Variants in FNBP1 observed in about 807,000 individuals in gnomAD.
The protein encoded by FNBP1 is formin binding protein 1, also known as formin-binding protein 1.
In FNBP1, 26 loss-of-function variants were observed where a neutral mutation model predicts 90.6. The observed-to-expected ratio is 0.29, with a 90% confidence interval of 0.21 to 0.40. The LOEUF (loss-of-function observed/expected upper bound fraction) is 0.40, where lower values mean the gene tolerates loss of function less well. Among genes scored for constraint, FNBP1 ranks in the 10% least tolerant of loss-of-function variants. The pLI is 1.00. For missense variants in FNBP1, 635 were observed against 768.0 expected, an observed-to-expected ratio of 0.83 and a Z score of 2.05; for synonymous variants, 260 against 265.2, an observed-to-expected ratio of 0.98 and a Z score of 0.19.
chr9:130,012,931 G>A (rs149996751), intron 1 of FNBP1, among the ~76,000 whole-genome samples: 32 of 152,100 alleles, frequency 2.1e-4, no homozygotes, highest in African/African-American at 6.8e-4. Context: ...GAGCCACCAC[G>A]CCCAGCCAGA....
At position 129,927,484 on chromosome 9, in the gene FNBP1, TCCATATTAC is replaced by T. The variant is rs2042088581; in HGVS notation, c.643-152_643-144del. 5.8e-6 allele frequency: 4 copies of T among 684,194 alleles called. No individual in the cohort carries two copies. In the East Asian group the frequency reaches 1.0e-4, roughly 17 times the overall value. The allele number at this position is 684,194 out of a possible 1,614,324, so 42.4% of individuals were successfully genotyped here. ...AGAGCGGCTCTAAGTACACGGAGCC[TCCATATTAC>T]CCAGCTGTACATTTATTTTATAAAT... is the stretch of plus-strand genomic sequence containing the variant. On this transcript the variant is annotated intron_variant, in intron 7 of 16. Coordinates refer to ENST00000446176, the MANE Select transcript of FNBP1 (RefSeq NM_015033.3).
the FNBP1 span, among the ~76,000 whole-genome samples, chr9:130,049,282 G>A: frequency 9.2e-5 from 14 of 152,260 alleles, no homozygotes; most frequent in East Asian, 1.9e-4. Context: ...CCAGCTACCC[G>A]GGAGGCTGAG....
chr9:130,001,147 G>A (rs757272704), intron 1 of FNBP1, among the ~76,000 whole-genome samples: 26 of 151,068 alleles, frequency 1.7e-4, no homozygotes, highest in Non-Finnish European at 3.3e-4. Context: ...CCTGGCCAAC[G>A]TGGTGAAACC....
At chr9:129,903,109 T>G (rs2037277431) in intron 12 of FNBP1, 108 bp from the exon 13 acceptor site, 2 of 1,078,918 alleles carry the variant, frequency 1.9e-6, no homozygotes, top group Non-Finnish European at 2.6e-6. Context: ...CTCGGCTCAC[T>G]GCAACGATCT....
At chr9:130,011,215 CAAAAAAAAAAA>C (rs1192541205) in intron 1 of FNBP1, among the ~76,000 whole-genome samples, 142 of 13,398 alleles carry the variant, frequency 0.011, no homozygotes, top group South Asian at 0.066. Context: ...GACTCCATCT[CAAAAAAAAAAA>C]AAAAAAAAAA....
At chr9:129,997,578 A>C (rs2054193646) in intron 1 of FNBP1, among the ~76,000 whole-genome samples, 1 of 152,248 alleles carries the variant, frequency 6.6e-6, no homozygotes, top group Non-Finnish European at 1.5e-5. Flanking sequence ...AACTCAAGCT[A>C]TGACTACAAA....
At chr9:129,997,346 T>G (rs1368332111) in intron 1 of FNBP1, among the ~76,000 whole-genome samples, 5 of 152,038 alleles carry the variant, frequency 3.3e-5, no homozygotes, top group Non-Finnish European at 7.4e-5. Flanking sequence ...AAATACAAAA[T>G]TATAAAACAA....
chr9:129,942,407 C>G (rs1013934275), intron 6 of FNBP1, among the ~76,000 whole-genome samples: 2 of 152,168 alleles, frequency 1.3e-5, no homozygotes, highest in African/African-American at 4.8e-5. Context: ...GCCAGTACAA[C>G]CCCCACCTCT....
chr9:129,966,529 GAC>G lies in FNBP1; in HGVS notation c.346-7978_346-7977del, dbSNP rs1673437748. On this transcript the variant is annotated intron_variant, in intron 4 of 16. Transcript: ENST00000446176. The surrounding 1 kb of genome is among the most constrained non-coding windows in gnomAD (Gnocchi z 4.3). ...GGATCATTTGAGGTCAGGAGTTCGA[GAC>G]CAGCCTGGCCAACATGATGAAATGC... Among the ~76,000 whole-genome samples the G allele has an allele frequency of 6.6e-6, 1 of 152,082 alleles. No homozygotes were observed. The highest frequency in any genetic ancestry group is 2.1e-4 in the South Asian group (1 of 4,828).
At position 129,994,726 on chromosome 9, in the gene FNBP1, T is replaced by C. The variant is rs142334956; in HGVS notation, c.140+117A>G. 1.3e-5 allele frequency: 6 copies of C among 454,828 alleles called. No homozygotes were observed. The East Asian group carries it at 2.2e-4, about 17-fold the overall frequency. 28.2% of individuals were successfully genotyped at this position (454,828 alleles called of 1,614,324 possible). A position where few individuals can be genotyped will look rare whatever the true frequency, so the allele number is the denominator to read the frequency against. On this transcript the variant is annotated intron_variant, in intron 2 of 16. Coordinates refer to ENST00000446176, the MANE Select transcript of FNBP1 (RefSeq NM_015033.3). ...AAAAACAATCACTTCTATTGAAATA[T>C]TACCTTACATAAAAGGAAAAATATT...
At position 129,957,418 on chromosome 9, in the gene FNBP1, T is replaced by C. The variant is rs758384992; in HGVS notation, c.455A>G (p.Gln152Arg). 6.2e-7 allele frequency: 1 copy of C among 1,613,968 alleles called. No individual in the cohort carries two copies. Among genetic ancestry groups the C allele is most frequent in the Non-Finnish European group, 8.5e-7 (1 of 1,179,852 alleles). The part of the protein sequence containing the change: ...ERDCKEADRA[Q>R]QYFEKMDADI... ...AGCGTCCATTTTCTCAAAGTACTGC[T>C]GCGCCCTGTCCGCCTCTTTGCAATC... Residue 152 changes from glutamine (Q) to arginine (R), a missense_variant, in exon 6 of 17, where the codon CAG (glutamine) becomes CGG (arginine). Gln to Arg is a conservative substitution (Grantham distance 43, BLOSUM62 1). Coordinates refer to ENST00000446176, the MANE Select transcript of FNBP1 (RefSeq NM_015033.3). The surrounding 1 kb of genome is among the most constrained non-coding windows in gnomAD (Gnocchi z 4.3).
intron 1 of FNBP1, among the ~76,000 whole-genome samples, chr9:130,002,799 T>G (rs2055060365): frequency 6.6e-6 from 1 of 152,204 alleles, no homozygotes; most frequent in South Asian, 2.1e-4. Flanking sequence ...TCCAAGCTGT[T>G]GGTTACAACC....
Position 130,002,092 on chromosome 9 carries a change from G to T in FNBP1, c.25-7134C>A, listed in dbSNP as rs530044642. On this transcript the variant is annotated intron_variant, in intron 1 of 16. Coordinates refer to ENST00000446176, the MANE Select transcript of FNBP1 (RefSeq NM_015033.3). The stretch of plus-strand genomic sequence containing the variant: ...GCCTGTAATCCTAGCTACTCGGGAG[G>T]CTGAGGCAGGAGAATCGCTTGAACC... 5.3e-5 allele frequency among the ~76,000 whole-genome samples: 8 copies of T among 150,082 alleles called. No homozygotes were observed. The South Asian group carries it at 1.7e-3, about 32-fold the overall frequency.
At chr9:129,950,312 A>T (rs1429951351) in intron 6 of FNBP1, among the ~76,000 whole-genome samples, 1 of 152,218 alleles carries the variant, frequency 6.6e-6, no homozygotes, top group Non-Finnish European at 1.5e-5. Flanking sequence ...GTGATGCCAA[A>T]ATTGGGTAAT....
chr9:129,958,408 G>T (rs1401403517), intron 5 of FNBP1, 83 bp downstream of exon 5: 41 of 1,064,320 alleles, frequency 3.9e-5, no homozygotes, highest in Non-Finnish European at 5.6e-5. Flanking sequence ...CTCCAACCTG[G>T]GCAACAGAGG....
chr9:129,979,261 T>C, intron 3 of FNBP1, 57 bp downstream of exon 3: 1 of 974,582 alleles, frequency 1.0e-6, no homozygotes. Context: ...CTCCTTTCCG[T>C]GTGTAGTCAT....
intron 1 of FNBP1, among the ~76,000 whole-genome samples, chr9:130,032,991 G>A (rs1313620274): frequency 6.6e-6 from 1 of 152,042 alleles, no homozygotes; most frequent in Non-Finnish European, 1.5e-5. Context: ...TTGTTAACAT[G>A]TACACCAAAT....
chr9:130,052,222 G>T, the FNBP1 span, among the ~76,000 whole-genome samples: 3 of 152,200 alleles, frequency 2.0e-5, no homozygotes, highest in East Asian at 5.8e-4. Context: ...GAAAGAAGAA[G>T]ATATCCTCTT....
intron 16 of FNBP1, among the ~76,000 whole-genome samples, chr9:129,894,102 A>G (rs1428717877): frequency 6.6e-6 from 1 of 151,988 alleles, no homozygotes; most frequent in Non-Finnish European, 1.5e-5. Flanking sequence ...TGAACCCACA[A>G]TGTAGAGGCA....
Sources: allele counts gnomAD v4.1 joint callset (sites outside exome capture counted in the v4.1 genomes callset), GRCh38; gene constraint gnomAD v4.1.1; non-coding constraint Gnocchi (gnomAD v3.1); transcripts MANE v1.5; gene names NCBI Gene and HGNC (gene_info 2026-07-23, HGNC 2026-07-21).